TPO: variants seen among roughly 807,000 people sequenced by gnomAD.
The protein encoded by TPO is thyroid peroxidase.
Under a neutral mutation model 96.9 loss-of-function variants are expected in TPO, and 78 were observed. The observed-to-expected ratio is 0.81, with a 90% confidence interval of 0.67 to 0.97. The LOEUF (loss-of-function observed/expected upper bound fraction) is 0.97. Ranked by LOEUF, TPO falls within the 50% of genes least tolerant of loss-of-function variation. The pLI, the probability that TPO is intolerant of heterozygous loss-of-function variation, is 0.00. For synonymous variants in TPO, 547 were observed against 538.0 expected (o/e 1.02, Z -0.23); for missense variants, 1,252 against 1,274.8 (o/e 0.98, Z 0.27).
At chr2:1,422,371 C>CGACCTCGTGCAGCCGCCTCTCCTGGACA (rs1663805165) in intron 2 of TPO, among the ~76,000 whole-genome samples, 8 of 49,752 alleles carry the variant, frequency 1.6e-4, no homozygotes, top group East Asian at 4.2e-4. Context: ...CGCGCTGGAC[C>CGACCTCGTGCAGCCGCCTCTCCTGGACA]GACCTCGTGC....
At chr2:1,501,615 G>C (rs906430680) in intron 13 of TPO, among the ~76,000 whole-genome samples, 1 of 152,160 alleles carries the variant, frequency 6.6e-6, no homozygotes, top group Non-Finnish European at 1.5e-5. Flanking sequence ...AGGTGCCGTC[G>C]AGTTAAAGTG....
chr2:1,503,884 T>C lies in TPO; in HGVS notation c.2387-64T>C, dbSNP rs553900878. ...AGAGAAGCACCTCCCAGAACGGGGG[T>C]CGCTCGCGGGAGATGGGGGTGCAGC... On this transcript the variant is annotated intron_variant, in intron 13 of 16. Transcript: ENST00000329066. The C allele has an allele frequency of 7.7e-4, 1,244 of 1,612,768 alleles. 17 individuals carry two copies. Among genetic ancestry groups the C allele is most frequent in the Middle Eastern group, 4.9e-4 (3 of 6,062 alleles).
At chr2:1,461,178 G>A (rs1016778712) in intron 7 of TPO, among the ~76,000 whole-genome samples, 1 of 152,118 alleles carries the variant, frequency 6.6e-6, no homozygotes, top group Non-Finnish European at 1.5e-5. Flanking sequence ...TCTGGCCAGG[G>A]CATCATCCTG....
chr2:1,382,776 G>A (rs62105580), intron 1 of TPO, among the ~76,000 whole-genome samples: 10 of 151,956 alleles, frequency 6.6e-5, no homozygotes, highest in Middle Eastern at 3.4e-3. Context: ...TGTGCACAAC[G>A]TGCAGGTTTG....
At position 1,514,081 on chromosome 2, in the gene TPO, T is replaced by C. The variant is rs574041946; in HGVS notation, c.2519-2802T>C. Among the ~76,000 whole-genome samples the C allele has an allele frequency of 1.6e-3, 246 of 152,308 alleles. 1 individual carries two copies. The highest frequency in any genetic ancestry group is 5.7e-3 in the African/African-American group (236 of 41,568). On this transcript the variant is annotated intron_variant, in intron 14 of 16. Transcript: ENST00000329066. ...TTAGAGAGGCTGAGGAGTCCCAGGA[T>C]CTGCTGTCTGCAAACTGGAGCCCCA...
chr2:1,531,114 ACTGTGTGCAACCTCCCCAAAACCCCC>A (rs1284215102), intron 15 of TPO, among the ~76,000 whole-genome samples: 1 of 24,002 alleles, frequency 4.2e-5, no homozygotes, highest in Non-Finnish European at 7.5e-5. Context: ...AAATCCCCCC[ACTGTGTGCAACCTCCCCAAAACCCCC>A]CACTGTGTGC....
intron 2 of TPO, among the ~76,000 whole-genome samples, chr2:1,415,151 A>G (rs57041276): frequency 2.5e-3 from 203 of 80,830 alleles, no homozygotes; most frequent in Middle Eastern, 0.011. Flanking sequence ...ACACAGTCCC[A>G]GGGCCCCTGG....
At chr2:1,380,766 A>G (rs1030563508) in intron 1 of TPO, among the ~76,000 whole-genome samples, 6 of 152,328 alleles carry the variant, frequency 3.9e-5, no homozygotes, top group Non-Finnish European at 8.8e-5. Context: ...TTGCATTGCT[A>G]TAAAGAAATA....
At chr2:1,455,689 C>T (rs6706775) in intron 6 of TPO, among the ~76,000 whole-genome samples, 83,209 of 152,148 alleles carry the variant, frequency 0.55, 23,002 homozygotes, top group East Asian at 0.77. Flanking sequence ...AAGGAGTACT[C>T]GCTTGTGGCT....
At chr2:1,520,391 A>G (rs548921808) in intron 15 of TPO, among the ~76,000 whole-genome samples, 1 of 152,172 alleles carries the variant, frequency 6.6e-6, no homozygotes. Context: ...AGAAAGAGAG[A>G]CAGAGACAGC....
At chr2:1,397,514 T>A (rs1407838331) in intron 1 of TPO, among the ~76,000 whole-genome samples, 1 of 152,184 alleles carries the variant, frequency 6.6e-6, no homozygotes, top group African/African-American at 2.4e-5. Context: ...TCAAAGTTTG[T>A]AGCTCCAGCT....
intron 15 of TPO, among the ~76,000 whole-genome samples, chr2:1,532,412 C>G (rs11695385): frequency 0.34 from 24,767 of 72,564 alleles, 5,162 homozygotes; most frequent in Non-Finnish European, 0.39. Context: ...TGAGCAACCT[C>G]CCCAAATCCC....
Position 1,484,745 on chromosome 2 carries a change from G to A in TPO, c.1488G>A (p.Thr496=), listed in dbSNP as rs758020153. Residue 496 remains threonine (T), a synonymous_variant, in exon 9 of 17, where the codon ACG becomes ACA. Coordinates refer to ENST00000329066, the MANE Select transcript of TPO (RefSeq NM_001206744.2). The part of the protein sequence containing the change: ...STAAFRFGHA[T]IHPLVRRLDA... ...CCGCCTTCCGCTTCGGCCATGCCAC[G>A]ATCCACCCGCTGGTGAGGAGGCTGG... 29 of 1,613,900 alleles carry A rather than the reference G, an allele frequency of 1.8e-5. No homozygotes were observed. Among genetic ancestry groups the A allele is most frequent in the Middle Eastern group, 1.6e-4 (1 of 6,084 alleles).
rs1670780991 is a variant in TPO, at chr2:1,482,895, C to T, written c.1339-1701C>T. ...ACAGAGTCTGACTGTGTTGCCCAGG[C>T]TGGTCTTGATCTTGGGCTCAAGCAA... On this transcript the variant is annotated intron_variant, in intron 8 of 16. Transcript: ENST00000329066. 2.0e-5 allele frequency among the ~76,000 whole-genome samples: 3 copies of T among 152,138 alleles called. No individual in the cohort carries two copies. In the South Asian group the frequency reaches 6.2e-4, roughly 32 times the overall value.
Position 1,393,166 on chromosome 2 carries a change from C to T in TPO, n.180+18764C>T, listed in dbSNP as rs917975609. Among the ~76,000 whole-genome samples, 6 of 152,230 alleles carry T rather than the reference C, an allele frequency of 3.9e-5. No homozygotes were observed. The South Asian group carries it at 8.3e-4, about 21-fold the overall frequency. ...GGCCTCAGGAAGCTTCCAATTGTAG[C>T]GGAAGGCAGAGGGAGCGAGGCGTCT... is the stretch of plus-strand genomic sequence containing the variant. On this transcript the variant is annotated intron_variant and non_coding_transcript_variant, in intron 1 of 5. Coordinates refer to the TPO transcript ENST00000497517.
intron 15 of TPO, among the ~76,000 whole-genome samples, chr2:1,538,022 ACCTCAAGTCCCCCCACTGTGTGCAACCT>A (rs1416018449): frequency 6.3e-5 from 3 of 47,776 alleles, no homozygotes; most frequent in African/African-American, 1.9e-4. Context: ...ACTGTGTGCC[ACCTCAAGTCCCCCCACTGTGTGCAACCT>A]CCTCAAATCC....
chr2:1,419,153 G>A (rs1215493011), intron 2 of TPO, among the ~76,000 whole-genome samples: 3 of 152,110 alleles, frequency 2.0e-5, no homozygotes, highest in Admixed American at 6.5e-5. Flanking sequence ...CGTGCCATGC[G>A]CCCCTCAGAG....
intron 5 of TPO, among the ~76,000 whole-genome samples, chr2:1,436,869 C>A (rs1665626072): frequency 2.6e-5 from 4 of 152,194 alleles, no homozygotes; most frequent in African/African-American, 9.7e-5. Flanking sequence ...TTAACTCTTG[C>A]TTTCCCCATT....
In TPO at chr2:1,423,043, A is replaced by G; in HGVS notation, c.95-2A>G. ...TTGACTGTGTGACATTCTGTTCCGT[A>G]GGAAAGCCTGAGGAGTCTCGTGTCT... is the stretch of plus-strand genomic sequence containing the variant. On this transcript the variant is annotated splice_acceptor_variant, in intron 2 of 16. Coordinates refer to ENST00000329066, the MANE Select transcript of TPO (RefSeq NM_001206744.2). LOFTEE classifies it high-confidence loss of function. The G allele has an allele frequency of 6.2e-7, 1 of 1,614,126 alleles. No homozygotes were observed. Among genetic ancestry groups the G allele is most frequent in the South Asian group, 1.1e-5 (1 of 91,076 alleles).
Sources: gnomAD v4.1 joint callset for allele counts (sites outside exome capture counted in the v4.1 genomes callset) on GRCh38, gnomAD v4.1.1 for gene constraint, MANE v1.5 for transcripts, NCBI Gene and HGNC (gene_info 2026-07-23, HGNC 2026-07-21) for gene names.